The following FBXL7 variants were observed in gnomAD, a reference collection of about 807,000 sequenced individuals.
The protein encoded by FBXL7 is F-box/LRR-repeat protein 7.
FBXL7 carries 12 observed loss-of-function variants against 38.3 expected under a neutral mutation model. The ratio of observed to expected loss-of-function variants is 0.31; its 90% CI spans 0.20 to 0.51. The LOEUF is 0.51. Ranked by LOEUF, FBXL7 falls within the 20% of genes least tolerant of loss-of-function variation. The pLI is 0.98. For synonymous variants in FBXL7, 297 were observed against 300.9 expected, an observed-to-expected ratio of 0.99 and a Z score of 0.13; for missense variants, 567 against 676.4, an observed-to-expected ratio of 0.84 and a Z score of 1.79.
intron 2 of FBXL7, among the ~76,000 whole-genome samples, chr5:15,702,728 ATACT>A (rs1282486679): frequency 1.4e-4 from 22 of 152,292 alleles, no homozygotes; most frequent in Admixed American, 1.2e-3. Flanking sequence ...AATTGAGAAA[ATACT>A]TTCTTTCATG....
intron 2 of FBXL7, among the ~76,000 whole-genome samples, chr5:15,734,038 C>T (rs374995706): frequency 2.0e-5 from 3 of 150,326 alleles, no homozygotes; most frequent in East Asian, 3.9e-4. Flanking sequence ...ACCCGGGACC[C>T]GGGAGATGGA....
At chr5:15,689,585 A>G (rs972339862) in intron 2 of FBXL7, among the ~76,000 whole-genome samples, 1 of 152,218 alleles carries the variant, frequency 6.6e-6, no homozygotes, top group Non-Finnish European at 1.5e-5. Flanking sequence ...TATAAAATAG[A>G]AAAATAATAA....
At position 15,692,769 on chromosome 5, in the gene FBXL7, C is replaced by T. The variant is rs145974881; in HGVS notation, c.127+76697C>T. 1.1e-3 allele frequency among the ~76,000 whole-genome samples: 170 copies of T among 152,204 alleles called. 1 individual carries two copies. The highest frequency in any genetic ancestry group is 3.5e-3 in the East Asian group (18 of 5,168). On this transcript the variant is annotated intron_variant, in intron 2 of 3. Transcript: ENST00000504595. ...TGTTCTTTCTGCTGGAGTTGCTAAG[C>T]GGGTGGTGCCTACATGAAGTCTGCT...
chr5:15,733,833 G>A (rs1257111373), intron 2 of FBXL7, among the ~76,000 whole-genome samples: 2 of 152,138 alleles, frequency 1.3e-5, no homozygotes, highest in African/African-American at 4.8e-5. Flanking sequence ...TAATGGCCGG[G>A]TGCAGTGGCT....
chr5:15,857,350 G>A (rs1739302097), intron 2 of FBXL7, among the ~76,000 whole-genome samples: 1 of 152,142 alleles, frequency 6.6e-6, no homozygotes, highest in African/African-American at 2.4e-5. Flanking sequence ...TCAACTCTGT[G>A]AGTTGGGTAC....
At chr5:15,839,690 G>A (rs2126782102) in intron 2 of FBXL7, among the ~76,000 whole-genome samples, 1 of 151,664 alleles carries the variant, frequency 6.6e-6, no homozygotes, top group Non-Finnish European at 1.5e-5. Flanking sequence ...TTACATTTAG[G>A]CTACACTAGA....
At chr5:15,721,831 A>C (rs1744202033) in intron 2 of FBXL7, among the ~76,000 whole-genome samples, 1 of 151,394 alleles carries the variant, frequency 6.6e-6, no homozygotes, top group Admixed American at 6.6e-5. Context: ...CCTTTTATTT[A>C]TTTATTTATT....
chr5:15,868,824 C>T (rs1191688040), intron 2 of FBXL7, among the ~76,000 whole-genome samples: 1 of 152,152 alleles, frequency 6.6e-6, no homozygotes, highest in Non-Finnish European at 1.5e-5. Flanking sequence ...CCCTCACCCC[C>T]AACCTCATCA....
intron 1 of FBXL7, among the ~76,000 whole-genome samples, chr5:15,613,776 T>A (rs1177253184): frequency 1.3e-5 from 2 of 152,192 alleles, no homozygotes; most frequent in African/African-American, 2.4e-5. Context: ...TTCTGTACTG[T>A]CTTAGTCCAT....
At chr5:15,687,287 C>G (rs776947693) in intron 2 of FBXL7, among the ~76,000 whole-genome samples, 4 of 152,222 alleles carry the variant, frequency 2.6e-5, no homozygotes, top group African/African-American at 4.8e-5. Flanking sequence ...CTGCCTTTTC[C>G]TTTTCAGACA....
chr5:15,844,435 G>C (rs1288826970), intron 2 of FBXL7, among the ~76,000 whole-genome samples: 1 of 152,126 alleles, frequency 6.6e-6, no homozygotes, highest in Non-Finnish European at 1.5e-5. Context: ...AATCCTGCAC[G>C]GCAGCTCTTG....
chr5:15,934,652 A>T (rs1742129815), intron 3 of FBXL7, among the ~76,000 whole-genome samples: 1 of 152,234 alleles, frequency 6.6e-6, no homozygotes, highest in Admixed American at 6.5e-5. Flanking sequence ...TTCAACACAA[A>T]TAAAAGACAT....
chr5:15,786,334 A>T (rs749953721), intron 2 of FBXL7, among the ~76,000 whole-genome samples: 2 of 151,680 alleles, frequency 1.3e-5, no homozygotes, highest in African/African-American at 2.4e-5. Context: ...ACTTGCCATG[A>T]TTGGGAAACC....
chr5:15,582,016 C>T (rs1739158620), intron 1 of FBXL7, among the ~76,000 whole-genome samples: 1 of 152,200 alleles, frequency 6.6e-6, no homozygotes, highest in Non-Finnish European at 1.5e-5. Context: ...TAGCTCATTG[C>T]AACCTCCATC....
chr5:15,610,169 G>A lies in FBXL7; in HGVS notation c.38-5814G>A, dbSNP rs916898364. Among the ~76,000 whole-genome samples the A allele has an allele frequency of 4.6e-5, 7 of 152,166 alleles. 1 individual carries two copies. The highest frequency in any genetic ancestry group is 9.7e-5 in the African/African-American group (4 of 41,450). On this transcript the variant is annotated intron_variant, in intron 1 of 3. Transcript: ENST00000504595. ...ACCAGGGGTCCCTCCCAGAACACGC[G>A]GGAATTTTGGGAGCTACAATTCAAG... is the stretch of plus-strand genomic sequence containing the variant.
chr5:15,638,363 A>G (rs1741253708), intron 2 of FBXL7, among the ~76,000 whole-genome samples: 1 of 152,172 alleles, frequency 6.6e-6, no homozygotes, highest in African/African-American at 2.4e-5. Context: ...AACATTGGTC[A>G]TTTATCCCCA....
intron 2 of FBXL7, among the ~76,000 whole-genome samples, chr5:15,707,206 A>G (rs1384065204): frequency 1.0e-5 from 1 of 97,582 alleles, no homozygotes. Flanking sequence ...TTGCAAAGTG[A>G]AAGCAAGTTT....
At chr5:15,856,123 T>C (rs1319155139) in intron 2 of FBXL7, among the ~76,000 whole-genome samples, 2 of 152,042 alleles carry the variant, frequency 1.3e-5, no homozygotes, top group African/African-American at 4.8e-5. Flanking sequence ...CTCAGAATCA[T>C]GACAGGGAGG....
chr5:15,799,764 A>AT (rs1398692625), intron 2 of FBXL7, among the ~76,000 whole-genome samples: 2 of 152,174 alleles, frequency 1.3e-5, no homozygotes, highest in African/African-American at 4.8e-5. Flanking sequence ...CACTACACGG[A>AT]TTAGCAGCAA....
Sources: gnomAD v4.1 joint callset for allele counts (sites outside exome capture counted in the v4.1 genomes callset) on GRCh38, gnomAD v4.1.1 for gene constraint, MANE v1.5 for transcripts, NCBI Gene and HGNC (gene_info 2026-07-23, HGNC 2026-07-21) for gene names.